The following METTL15 variants were observed in gnomAD, a reference collection of about 807,000 sequenced individuals.
METTL15 encodes the protein 12S rRNA N(4)-cytidine methyltransferase METTL15.
Under a neutral mutation model 38.3 loss-of-function variants are expected in METTL15, and 34 were observed. The observed-to-expected ratio is 0.89, with a 90% CI of 0.68 to 1.18. The LOEUF (loss-of-function observed/expected upper bound fraction) is 1.18. Ranked by LOEUF, METTL15 falls within the 50% of genes most tolerant of loss-of-function variation. The pLI is 0.00. For synonymous variants in METTL15, 162 were observed against 170.9 expected, an observed-to-expected ratio of 0.95 and a Z score of 0.41; for missense variants, 438 against 498.4, an observed-to-expected ratio of 0.88 and a Z score of 1.15.
At chr11:28,153,018 C>T (rs770253682) in intron 3 of METTL15, among the ~76,000 whole-genome samples, 4 of 151,984 alleles carry the variant, frequency 2.6e-5, no homozygotes, top group Admixed American at 2.0e-4. Context: ...TGTCTTTTAG[C>T]ATGCAAATGT....
At chr11:28,465,912 C>A (rs1322293060) in intron 6 of METTL15, among the ~76,000 whole-genome samples, 1 of 152,170 alleles carries the variant, frequency 6.6e-6, no homozygotes, top group Non-Finnish European at 1.5e-5. Flanking sequence ...GGCAAAATAG[C>A]CCCCAGTTGA....
intron 4 of METTL15, among the ~76,000 whole-genome samples, chr11:28,269,294 A>G (rs1855550572): frequency 1.3e-5 from 2 of 152,092 alleles, no homozygotes; most frequent in African/African-American, 2.4e-5. Context: ...TCTCCCTCTT[A>G]GAACTAAGCA....
chr11:28,393,921 T>C (rs905881823), intron 5 of METTL15, among the ~76,000 whole-genome samples: 9 of 152,048 alleles, frequency 5.9e-5, no homozygotes, highest in Admixed American at 5.9e-4. Context: ...ATCTCCCAAA[T>C]TGAGCAACTG....
intron 5 of METTL15, among the ~76,000 whole-genome samples, chr11:28,378,375 C>T (rs190521946): frequency 5.3e-4 from 80 of 152,332 alleles, no homozygotes; most frequent in Middle Eastern, 3.4e-3. Context: ...CTTTTTAAGC[C>T]TGTCGGAAAA....
At chr11:28,288,935 G>A (rs1006966064) in intron 4 of METTL15, among the ~76,000 whole-genome samples, 1 of 152,060 alleles carries the variant, frequency 6.6e-6, no homozygotes, top group Admixed American at 6.6e-5. Context: ...CTCACCAATG[G>A]TATATACAGG....
At chr11:28,162,670 G>A (rs978540624) in intron 3 of METTL15, among the ~76,000 whole-genome samples, 3 of 151,978 alleles carry the variant, frequency 2.0e-5, no homozygotes, top group Admixed American at 6.6e-5. Context: ...TACCTTATAC[G>A]TGCTCTGGAC....
intron 6 of METTL15, among the ~76,000 whole-genome samples, chr11:28,499,675 G>T (rs1435421747): frequency 6.6e-6 from 1 of 151,650 alleles, no homozygotes; most frequent in Non-Finnish European, 1.5e-5. Flanking sequence ...ATCACTTTGA[G>T]TTATGGCCTC....
downstream of METTL15, among the ~76,000 whole-genome samples, chr11:28,529,332 C>A (rs991244827): frequency 3.9e-5 from 6 of 152,056 alleles, no homozygotes; most frequent in African/African-American, 1.4e-4. Flanking sequence ...GCTCTGTCAT[C>A]TGAAGCATGC....
intron 6 of METTL15, among the ~76,000 whole-genome samples, chr11:28,309,686 T>C (rs1412738946): frequency 6.6e-6 from 1 of 152,182 alleles, no homozygotes; most frequent in Non-Finnish European, 1.5e-5. Context: ...TTTATTTTCT[T>C]TCTTGTAAGG....
At chr11:28,326,647 G>T (rs1345956890) in intron 6 of METTL15, among the ~76,000 whole-genome samples, 2 of 152,006 alleles carry the variant, frequency 1.3e-5, no homozygotes, top group Non-Finnish European at 2.9e-5. Context: ...TGCAATCATG[G>T]CTCACTGCAG....
At chr11:28,128,203 G>A (rs1172748800) in intron 3 of METTL15, among the ~76,000 whole-genome samples, 1 of 151,818 alleles carries the variant, frequency 6.6e-6, no homozygotes, top group Admixed American at 6.6e-5. Context: ...ATGTATTAAT[G>A]GTGTTTTATA....
chr11:28,508,566 T>C (rs1454948167), intron 6 of METTL15, among the ~76,000 whole-genome samples: 4 of 152,220 alleles, frequency 2.6e-5, no homozygotes, highest in Non-Finnish European at 5.9e-5. Flanking sequence ...TACCACCAAG[T>C]ATCAGGCAGG....
chr11:28,330,485 A>G lies in METTL15; in HGVS notation c.868A>G (p.Ile290Val). Residue 290 changes from isoleucine (I) to valine (V), a missense_variant, in exon 7 of 7, where the codon ATA (isoleucine) becomes GTA (valine). Physicochemically the swap from Ile to Val is conservative, Grantham distance 29. Transcript: ENST00000407364. ...IATKTFQALRIFVNNELNELY... is the reference protein window; with the variant it reads ...IATKTFQALRVFVNNELNELY... ...CACCAAGACTTTCCAGGCTCTTCGCATATTTGTGAACAATGAGCTCAATGA... is the reference window on the plus strand; with the variant it reads ...CACCAAGACTTTCCAGGCTCTTCGCGTATTTGTGAACAATGAGCTCAATGA... The G allele has an allele frequency of 6.4e-7, 1 of 1,551,498 alleles. No homozygotes were observed. The highest frequency in any genetic ancestry group is 8.7e-7 in the Non-Finnish European group (1 of 1,146,868).
At chr11:28,489,983 T>A (rs1362364135) in intron 6 of METTL15, among the ~76,000 whole-genome samples, 1 of 151,968 alleles carries the variant, frequency 6.6e-6, no homozygotes, top group African/African-American at 2.4e-5. Flanking sequence ...CACTGCATGG[T>A]CTCCCTTCAG....
intron 4 of METTL15, among the ~76,000 whole-genome samples, chr11:28,357,663 C>T (rs1850101596): frequency 6.6e-6 from 1 of 152,148 alleles, no homozygotes; most frequent in Admixed American, 6.5e-5. Context: ...AAATATCAAC[C>T]ATCTCAGTCC....
At chr11:28,221,027 C>T (rs1455365875) in intron 4 of METTL15, among the ~76,000 whole-genome samples, 1 of 152,108 alleles carries the variant, frequency 6.6e-6, no homozygotes, top group Admixed American at 6.5e-5. Flanking sequence ...GTGAATCTGA[C>T]AGTTATGTGT....
At chr11:28,521,581 C>T (rs1851765533) in intron 6 of METTL15, among the ~76,000 whole-genome samples, 1 of 152,082 alleles carries the variant, frequency 6.6e-6, no homozygotes, top group Non-Finnish European at 1.5e-5. Context: ...TTGTGGCCCT[C>T]CAGATTCACT....
intron 4 of METTL15, among the ~76,000 whole-genome samples, chr11:28,282,030 T>G (rs1415987749): frequency 6.6e-6 from 1 of 152,232 alleles, no homozygotes; most frequent in Non-Finnish European, 1.5e-5. Flanking sequence ...AAATCAGTTT[T>G]TAAAAAGTAT....
In METTL15 at chr11:28,296,640, A is replaced by G. The variant is rs557276335; in HGVS notation, c.600-113A>G. 1.2e-5 allele frequency: 13 copies of G among 1,091,062 alleles called. No individual in the cohort carries two copies. The South Asian group carries it at 2.1e-4, about 18-fold the overall frequency. 67.6% of individuals were successfully genotyped at this position (1,091,062 alleles called of 1,614,324 possible). A position where few individuals can be genotyped will look rare whatever the true frequency, so the allele number is the denominator to read the frequency against. The stretch of plus-strand genomic sequence containing the variant: ...TTTCAGTTTCTGACTTTAAAACCTC[A>G]CTTCTCCTAGAGTATGTGTGTGTGT... On this transcript the variant is annotated intron_variant, in intron 5 of 6. Coordinates refer to ENST00000407364, the MANE Select transcript of METTL15 (RefSeq NM_001113528.2).
Sources: gnomAD v4.1 joint callset for allele counts (sites outside exome capture counted in the v4.1 genomes callset) on GRCh38, gnomAD v4.1.1 for gene constraint, MANE v1.5 for transcripts, NCBI Gene and HGNC (gene_info 2026-07-23, HGNC 2026-07-21) for gene names.